MYO1E: variants seen among roughly 807,000 people sequenced by gnomAD.
MYO1E encodes the protein myosin IE.
MYO1E carries 68 observed loss-of-function variants against 151.1 expected under a neutral mutation model. The ratio of observed to expected loss-of-function variants is 0.45; its 90% CI spans 0.37 to 0.55. The LOEUF is 0.55. Among genes scored for constraint, MYO1E ranks in the 20% least tolerant of loss-of-function variants. The pLI, the probability that MYO1E is intolerant of heterozygous loss-of-function variation, is 0.00. For synonymous variants in MYO1E, 601 were observed against 501.7 expected (o/e 1.20, Z -2.64); for missense variants, 1,363 against 1,389.3 (o/e 0.98, Z 0.30).
Position 59,272,429 on chromosome 15 carries a change from C to A in MYO1E, c.24G>T (p.Gln8His). 1 of 1,614,198 alleles carries A rather than the reference C, an allele frequency of 6.2e-7. No homozygotes were observed. The highest frequency in any genetic ancestry group is 8.5e-7 in the Non-Finnish European group (1 of 1,180,022). Residue 8 changes from glutamine to histidine, a missense_variant, in exon 2 of 28, where the codon CAG (glutamine) becomes CAT (histidine). Transcript: ENST00000288235. ...TGACATTGTGGCTTTGCCAGTGGTA[C>A]TGGTAGACACCTTTGCTTCCCTGGG... MGSKGVY[Q>H]YHWQSHNVKH...
At chr15:59,360,685 C>T (rs1245457945) in intron 1 of MYO1E, among the ~76,000 whole-genome samples, 1 of 152,198 alleles carries the variant, frequency 6.6e-6, no homozygotes, top group Admixed American at 6.5e-5. Context: ...TGAGACTGAG[C>T]CTCATCACTA....
At chr15:59,368,134 T>C (rs1196257725) in intron 1 of MYO1E, among the ~76,000 whole-genome samples, 1 of 151,726 alleles carries the variant, frequency 6.6e-6, no homozygotes, top group Non-Finnish European at 1.5e-5. Flanking sequence ...TAAATAAAAA[T>C]AAGAACTGGC....
At chr15:59,263,548 A>G (rs570492185) in intron 2 of MYO1E, among the ~76,000 whole-genome samples, 1 of 152,330 alleles carries the variant, frequency 6.6e-6, no homozygotes, top group East Asian at 1.9e-4. Context: ...ATATAATCAT[A>G]TAATTTTTTT....
intron 19 of MYO1E, among the ~76,000 whole-genome samples, chr15:59,176,116 T>TGG (rs562485827): frequency 0.012 from 1,871 of 152,308 alleles, 21 homozygotes; most frequent in Middle Eastern, 0.02. Context: ...TGGAGTGCAG[T>TGG]GGCGCGATCT....
At chr15:59,155,020 TGAGTGA>T (rs1255501507) in intron 25 of MYO1E, among the ~76,000 whole-genome samples, 8 of 152,124 alleles carry the variant, frequency 5.3e-5, no homozygotes, top group Non-Finnish European at 1.0e-4. Flanking sequence ...ATTCCCTCAG[TGAGTGA>T]GAGCTGAATG....
intron 18 of MYO1E, among the ~76,000 whole-genome samples, chr15:59,183,644 G>A (rs1566972834): frequency 6.6e-6 from 1 of 152,126 alleles, no homozygotes; most frequent in Non-Finnish European, 1.5e-5. Flanking sequence ...AAAATGGGGT[G>A]TCCATCTCCT....
intron 14 of MYO1E, chr15:59,207,621 T>C: frequency 6.2e-7 from 1 of 1,614,200 alleles, no homozygotes; most frequent in East Asian, 2.2e-5. Flanking sequence ...GACAAAAGCT[T>C]GGTATCCATT....
chr15:59,337,190 G>A (rs1486506910), intron 1 of MYO1E, among the ~76,000 whole-genome samples: 1 of 152,140 alleles, frequency 6.6e-6, no homozygotes, highest in Non-Finnish European at 1.5e-5. Flanking sequence ...TAAAAATGGA[G>A]GGAACTGATT....
At chr15:59,139,618 G>A (rs567322902) in intron 26 of MYO1E, among the ~76,000 whole-genome samples, 4 of 138,184 alleles carry the variant, frequency 2.9e-5, no homozygotes, top group East Asian at 2.2e-4. Flanking sequence ...CTCTGCAGAC[G>A]GCCCTCCTAC....
intron 1 of MYO1E, among the ~76,000 whole-genome samples, chr15:59,341,061 T>A (rs1309804345): frequency 6.6e-6 from 1 of 151,654 alleles, no homozygotes; most frequent in Admixed American, 6.6e-5. Flanking sequence ...AGAAAAATCT[T>A]CAAAGAACAT....
intron 14 of MYO1E, chr15:59,206,889 C>T (rs374579237): frequency 9.5e-5 from 147 of 1,553,220 alleles, no homozygotes; most frequent in Non-Finnish European, 1.2e-4. Flanking sequence ...TCTCAACGTT[C>T]GGATCAGCAG....
chr15:59,228,891 A>G (rs1262589377), intron 6 of MYO1E, among the ~76,000 whole-genome samples: 1 of 152,192 alleles, frequency 6.6e-6, no homozygotes, highest in Admixed American at 6.5e-5. Context: ...AAGAAAGACC[A>G]CCGAAGGCGG....
intron 6 of MYO1E, among the ~76,000 whole-genome samples, chr15:59,228,801 T>C (rs187915925): frequency 4.6e-5 from 7 of 152,290 alleles, no homozygotes; most frequent in Admixed American, 3.9e-4. Context: ...TGTAAACTCA[T>C]TAAGGGCAAG....
At chr15:59,155,995 G>A (rs2079507542) in intron 25 of MYO1E, among the ~76,000 whole-genome samples, 1 of 152,032 alleles carries the variant, frequency 6.6e-6, no homozygotes, top group Non-Finnish European at 1.5e-5. Context: ...TCAGCCTTGT[G>A]AGTAGCTGGA....
rs755686610 is a variant in MYO1E, at chr15:59,207,571, G to A, written c.1530+1110C>T. ...TCCCAAAAACCGTATTATTGGAAGC[G>A]GCTGTAATCTGGATACTGCTCGTTT... On this transcript the variant is annotated intron_variant, in intron 14 of 27. Coordinates refer to ENST00000288235, the MANE Select transcript of MYO1E (RefSeq NM_004998.4). The A allele has an allele frequency of 1.4e-5, 22 of 1,613,914 alleles. No homozygotes were observed. In the Middle Eastern group the frequency reaches 8.2e-4, roughly 60 times the overall value.
intron 26 of MYO1E, among the ~76,000 whole-genome samples, chr15:59,139,479 T>C (rs1308643822): frequency 2.2e-5 from 3 of 133,596 alleles, no homozygotes; most frequent in African/African-American, 9.1e-5. Context: ...CTCATTACTC[T>C]GCAGACTTCT....
At chr15:59,348,486 A>G (rs1041569911) in intron 1 of MYO1E, among the ~76,000 whole-genome samples, 3 of 152,202 alleles carry the variant, frequency 2.0e-5, no homozygotes, top group Admixed American at 6.5e-5. Flanking sequence ...GGAAGCTTTG[A>G]AAAGTAATAC....
chr15:59,218,005 C>A lies in MYO1E; in HGVS notation c.993G>T (p.Lys331Asn), dbSNP rs1747111624. 1.9e-6 allele frequency: 3 copies of A among 1,614,252 alleles called. No individual in the cohort carries two copies. Among genetic ancestry groups the A allele is most frequent in the Non-Finnish European group, 2.5e-6 (3 of 1,180,046 alleles). Reference sequence around the variant, plus strand: ...GGATGGATTCGGATTTGCCTCCCCACTTGCTATCCATCTGCCGGCTTGTTA... The same window carrying A: ...GGATGGATTCGGATTTGCCTCCCCAATTGCTATCCATCTGCCGGCTTGTTA... Reference protein sequence around the residue: ...EKLTSRQMDSKWGGKSESIHV... With the variant: ...EKLTSRQMDSNWGGKSESIHV... The change falls in exon 10 of 28, where the codon AAG (lysine) becomes AAT (asparagine). Residue 331 changes from lysine to asparagine, a missense_variant. Coordinates refer to ENST00000288235, the MANE Select transcript of MYO1E (RefSeq NM_004998.4).
At chr15:59,206,056 G>T (rs1468701003) in intron 14 of MYO1E, among the ~76,000 whole-genome samples, 2 of 152,056 alleles carry the variant, frequency 1.3e-5, no homozygotes, top group Non-Finnish European at 2.9e-5. Flanking sequence ...ATAGCACTAG[G>T]AAGTCCCCAA....
Sources: allele counts gnomAD v4.1 joint callset (sites outside exome capture counted in the v4.1 genomes callset), GRCh38; gene constraint gnomAD v4.1.1; transcripts MANE v1.5; gene names NCBI Gene and HGNC (gene_info 2026-07-23, HGNC 2026-07-21).